PRKCB: variants seen among roughly 807,000 people sequenced by gnomAD.
PRKCB encodes the protein protein kinase C beta type.
Under a neutral mutation model 81.5 loss-of-function variants are expected in PRKCB, and 13 were observed. The observed-to-expected ratio is 0.16, with a 90% CI of 0.10 to 0.25. The LOEUF (loss-of-function observed/expected upper bound fraction) is 0.25, where lower values mean the gene tolerates loss of function less well. Ranked by LOEUF, PRKCB falls within the 10% of genes least tolerant of loss-of-function variation. PRKCB has a pLI of 1.00. For synonymous variants in PRKCB, 335 were observed against 321.4 expected, an observed-to-expected ratio of 1.04 and a Z score of -0.45; for missense variants, 509 against 875.7, an observed-to-expected ratio of 0.58 and a Z score of 5.29.
chr16:23,949,526 A>G (rs753617959), intron 2 of PRKCB, among the ~76,000 whole-genome samples: 9 of 151,884 alleles, frequency 5.9e-5, no homozygotes, highest in Non-Finnish European at 1.3e-4. Flanking sequence ...TTTTTTCTCT[A>G]CCTTCTATCG....
chr16:24,113,347 C>T (rs1425472998), intron 8 of PRKCB, among the ~76,000 whole-genome samples: 1 of 132,980 alleles, frequency 7.5e-6, no homozygotes, highest in South Asian at 2.5e-4. Flanking sequence ...GCTTTCTTTA[C>T]CCCCCTTTTC....
At chr16:23,933,924 CA>C (rs1389373809) in intron 2 of PRKCB, among the ~76,000 whole-genome samples, 7 of 117,418 alleles carry the variant, frequency 6.0e-5, no homozygotes, top group East Asian at 2.6e-4. Flanking sequence ...TCCATCCTTC[CA>C]TTCATCCATC....
rs546787058 is a variant in PRKCB, at chr16:23,975,970, A to G, written c.206-12538A>G. Among the ~76,000 whole-genome samples the G allele has an allele frequency of 2.0e-5, 3 of 152,306 alleles. No individual in the cohort carries two copies. The East Asian group carries it at 5.8e-4, about 29-fold the overall frequency. ...TGGATTTAGGTGCTCCAGCATGGTC[A>G]TGGGGCATCTCTTGGCTCAGCTTTT... On this transcript the variant is annotated intron_variant, in intron 2 of 16. Transcript: ENST00000643927.
At chr16:24,176,178 G>A (rs571344576) in intron 12 of PRKCB, among the ~76,000 whole-genome samples, 11 of 152,140 alleles carry the variant, frequency 7.2e-5, no homozygotes, top group Admixed American at 5.9e-4. Context: ...TATTCTGAGG[G>A]CACAAAGTCC....
Position 24,218,480 on chromosome 16 carries a change from C to A in PRKCB, c.*3664C>A. On this transcript the variant is annotated 3_prime_UTR_variant, in exon 17 of 17. Transcript: ENST00000643927. ...CCTGCCCCACTCTAGCCACACATAC[C>A]CACGTGTGCTCCTGAGTTCAGTGTG... 1 of 985,474 alleles carries A rather than the reference C, an allele frequency of 1.0e-6. No homozygotes were observed. The highest frequency in any genetic ancestry group is 1.2e-6 in the Non-Finnish European group (1 of 829,984). 61.0% of individuals were successfully genotyped at this position (985,474 alleles called of 1,614,324 possible).
At chr16:24,082,243 T>A (rs970153167) in intron 5 of PRKCB, among the ~76,000 whole-genome samples, 13 of 152,198 alleles carry the variant, frequency 8.5e-5, no homozygotes, top group African/African-American at 3.1e-4. Flanking sequence ...ATAACCCATG[T>A]TCATGGATTG....
chr16:23,966,265 CTT>C (rs934469540), intron 2 of PRKCB, among the ~76,000 whole-genome samples: 21 of 152,308 alleles, frequency 1.4e-4, no homozygotes, highest in African/African-American at 4.1e-4. Flanking sequence ...GCCCTGGAGA[CTT>C]TATTGCCTTA....
intron 5 of PRKCB, among the ~76,000 whole-genome samples, chr16:24,047,807 T>G (rs1251140102): frequency 2.0e-5 from 3 of 152,198 alleles, no homozygotes; most frequent in Non-Finnish European, 4.4e-5. Flanking sequence ...TAGTTTAGCC[T>G]TAAGGTCTTG....
At position 24,122,005 on chromosome 16, in the gene PRKCB, G is replaced by A. The variant is rs117236927; in HGVS notation, c.919-1830G>A. On this transcript the variant is annotated intron_variant, in intron 8 of 16. Transcript: ENST00000643927. The stretch of plus-strand genomic sequence containing the variant: ...CAGACAAAATCCTTGCCATTGGGGA[G>A]CTTACATTCTGGTATAAGGAGAAAG... Among the ~76,000 whole-genome samples the A allele has an allele frequency of 1.3e-3, 204 of 152,322 alleles. 2 individuals are homozygous for A. The East Asian group carries it at 0.019, about 14-fold the overall frequency.
intron 16 of PRKCB, 146 bp downstream of exon 16, chr16:24,191,376 A>C: frequency 1.2e-6 from 1 of 845,620 alleles, no homozygotes; most frequent in Non-Finnish European, 1.8e-6. Flanking sequence ...TATGCACAAA[A>C]TCACTGGTTA....
intron 2 of PRKCB, among the ~76,000 whole-genome samples, chr16:23,839,711 G>A (rs1207060428): frequency 1.3e-5 from 2 of 152,050 alleles, no homozygotes; most frequent in African/African-American, 4.8e-5. Context: ...GACTTCCCAG[G>A]CATATTACTT....
intron 15 of PRKCB, among the ~76,000 whole-genome samples, chr16:24,188,321 A>G (rs1317346375): frequency 2.6e-5 from 4 of 152,248 alleles, no homozygotes; most frequent in Non-Finnish European, 4.4e-5. Flanking sequence ...CCTCTGGAAC[A>G]GCGAGCCCCA....
chr16:24,125,175 T>G (rs1289302068), intron 9 of PRKCB, among the ~76,000 whole-genome samples: 1 of 151,404 alleles, frequency 6.6e-6, no homozygotes, highest in African/African-American at 2.4e-5. Context: ...ATTAATTTAC[T>G]TTCTACTTCG....
chr16:23,883,004 T>C (rs1400858308), intron 2 of PRKCB, among the ~76,000 whole-genome samples: 1 of 152,102 alleles, frequency 6.6e-6, no homozygotes, highest in Non-Finnish European at 1.5e-5. Context: ...ACAGCTCCAG[T>C]GGAAACATCT....
At position 24,128,968 on chromosome 16, in the gene PRKCB, G is replaced by A. The variant is rs114207326; in HGVS notation, c.1065+4987G>A. Among the ~76,000 whole-genome samples, 1,021 of 152,212 alleles carry A rather than the reference G, an allele frequency of 6.7e-3. 15 individuals are homozygous for A. Among genetic ancestry groups the A allele is most frequent in the African/African-American group, 0.023 (956 of 41,528 alleles). On this transcript the variant is annotated intron_variant, in intron 9 of 16. Coordinates refer to ENST00000643927, the MANE Select transcript of PRKCB (RefSeq NM_002738.7). ...TATATAAATTGGGCAGATTTGTACC[G>A]TCCGGATTGATGATACAAGCTTACC...
chr16:24,202,522 G>A lies in PRKCB; in HGVS notation c.1863+11292G>A, dbSNP rs73550417. On this transcript the variant is annotated intron_variant, in intron 16 of 16. Transcript: ENST00000643927. The stretch of plus-strand genomic sequence containing the variant: ...TGTGAAAAAATAAAATATTCAAGCA[G>A]CATCAGAAGCTACAAAGTGAAATTA... Among the ~76,000 whole-genome samples, 1,400 of 152,136 alleles carry A rather than the reference G, an allele frequency of 9.2e-3. 27 individuals carry two copies. Among genetic ancestry groups the A allele is most frequent in the African/African-American group, 0.032 (1,336 of 41,418 alleles).
chr16:24,043,020 AGC>A (rs1183319526), intron 5 of PRKCB, among the ~76,000 whole-genome samples: 1 of 152,188 alleles, frequency 6.6e-6, no homozygotes, highest in Non-Finnish European at 1.5e-5. Flanking sequence ...TATAGATGTG[AGC>A]CACTGTGCCC....
At chr16:24,045,501 C>T (rs1202760682) in intron 5 of PRKCB, among the ~76,000 whole-genome samples, 1 of 152,186 alleles carries the variant, frequency 6.6e-6, no homozygotes, top group Non-Finnish European at 1.5e-5. Flanking sequence ...CGCTAAACTG[C>T]CCCCTGCCCT....
At chr16:24,138,021 C>G (rs1359149915) in intron 9 of PRKCB, among the ~76,000 whole-genome samples, 1 of 152,288 alleles carries the variant, frequency 6.6e-6, no homozygotes, top group East Asian at 1.9e-4. Context: ...CACCATGGGT[C>G]TTGTGAAGTG....
Sources: gnomAD v4.1 joint callset for allele counts (sites outside exome capture counted in the v4.1 genomes callset) on GRCh38, gnomAD v4.1.1 for gene constraint, MANE v1.5 for transcripts, NCBI Gene and HGNC (gene_info 2026-07-23, HGNC 2026-07-21) for gene names.